RALGAPB: variants seen among roughly 807,000 people sequenced by gnomAD.
RALGAPB encodes the protein ral GTPase-activating protein subunit beta.
In RALGAPB, 25 loss-of-function variants were observed where a neutral mutation model predicts 161.1. That is an observed-to-expected ratio of 0.16 (90% CI 0.11 to 0.22). The LOEUF (loss-of-function observed/expected upper bound fraction) is 0.22. Ranked by LOEUF, RALGAPB falls within the 10% of genes least tolerant of loss-of-function variation. RALGAPB has a pLI of 1.00. For missense variants in RALGAPB, 1,391 were observed against 1,815.2 expected (o/e 0.77, Z 4.25); for synonymous variants, 629 against 626.1 (o/e 1.00, Z -0.07).
chr20:38,536,477 G>A (rs964200600), intron 16 of RALGAPB, among the ~76,000 whole-genome samples: 15 of 152,156 alleles, frequency 9.9e-5, no homozygotes, highest in East Asian at 3.9e-4. Context: ...TCAGTTCTTC[G>A]GGTGTACACT....
In RALGAPB at chr20:38,558,393, T is replaced by G; in HGVS notation, c.3471T>G (p.Cys1157Trp). The G allele has an allele frequency of 6.2e-7, 1 of 1,608,074 alleles. No individual in the cohort carries two copies. The highest frequency in any genetic ancestry group is 8.5e-7 in the Non-Finnish European group (1 of 1,176,306). ...DDIGYLDLLP[C>W]RPFDTVFIFY... ...TTGGGTATCTGGATCTCTTGCCATG[T>G]CGTCCTTTTGACACAGTTTTTATTT... is the stretch of plus-strand genomic sequence containing the variant. Residue 1157 changes from cysteine to tryptophan, a missense_variant, in exon 23 of 30, where the codon TGT (cysteine) becomes TGG (tryptophan). Physicochemically the swap from Cys to Trp is radical, Grantham distance 215. This residue lies in a region of RALGAPB where 436 missense variants were observed against 527.0 expected (regional missense o/e 0.83). Coordinates refer to ENST00000262879, the MANE Select transcript of RALGAPB (RefSeq NM_020336.4).
At chr20:38,477,437 G>A (rs941883378) in intron 1 of RALGAPB, among the ~76,000 whole-genome samples, 1 of 152,254 alleles carries the variant, frequency 6.6e-6, no homozygotes. Context: ...GAGAGATGCA[G>A]GCAGAACCTG....
intron 21 of RALGAPB, among the ~76,000 whole-genome samples, chr20:38,552,226 C>T (rs1490352748): frequency 5.3e-5 from 8 of 151,632 alleles, no homozygotes; most frequent in African/African-American, 7.3e-5. Context: ...CTGCAATCTC[C>T]GCCTCCCGGG....
rs1300556416 is a variant in RALGAPB, at chr20:38,493,082, T to C, written c.339T>C (p.Asn113=). Residue 113 remains asparagine (N), a synonymous_variant, in exon 3 of 30, where the codon AAT becomes AAC. Transcript: ENST00000262879. ...SIPLPVIKEP[N]QYVQTILKHL... ...CATTGCCAGTTATTAAAGAGCCTAA[T>C]CAATATGTTCAAACTATACTAAAAC... 6.2e-7 allele frequency: 1 copy of C among 1,611,868 alleles called. No individual in the cohort carries two copies.
In RALGAPB at chr20:38,474,955, C is replaced by G. The variant is rs143178139; in HGVS notation, c.-31+1886C>G. Among the ~76,000 whole-genome samples, 911 of 152,214 alleles carry G rather than the reference C, an allele frequency of 6.0e-3. 11 individuals carry two copies. The highest frequency in any genetic ancestry group is 0.021 in the African/African-American group (877 of 41,524). ...AGTTCCCAGCTTATAGAGTTTTGTT[C>G]TTTTTGCTTAGGAGTGAGTATTCTA... On this transcript the variant is annotated intron_variant, in intron 1 of 29. Coordinates refer to ENST00000262879, the MANE Select transcript of RALGAPB (RefSeq NM_020336.4).
Position 38,575,291 on chromosome 20 carries a change from C to T in RALGAPB, c.*324C>T. On this transcript the variant is annotated 3_prime_UTR_variant, in exon 30 of 30. Transcript: ENST00000262879. ...TTTATGCATCTCAGTTAAACACGTG[C>T]ATTGGTAGTATCAACAAATTTGCAA... is the stretch of plus-strand genomic sequence containing the variant. 4.7e-6 allele frequency: 1 copy of T among 213,230 alleles called. No individual in the cohort carries two copies. The highest frequency in any genetic ancestry group is 2.3e-5 in the African/African-American group (1 of 43,140). 13.2% of individuals were successfully genotyped at this position (213,230 alleles called of 1,614,324 possible). A position where few individuals can be genotyped will look rare whatever the true frequency, so the allele number is the denominator to read the frequency against.
chr20:38,474,626 C>G (rs2084752491), intron 1 of RALGAPB, among the ~76,000 whole-genome samples: 1 of 152,132 alleles, frequency 6.6e-6, no homozygotes, highest in Non-Finnish European at 1.5e-5. Context: ...TTTAAGCATT[C>G]CCTTCAAGAT....
chr20:38,565,427 G>C lies in RALGAPB; in HGVS notation c.3766G>C (p.Asp1256His). The C allele has an allele frequency of 1.2e-6, 2 of 1,613,452 alleles. No individual in the cohort carries two copies. The highest frequency in any genetic ancestry group is 1.7e-6 in the Non-Finnish European group (2 of 1,179,550). Residue 1256 changes from aspartate to histidine, a missense_variant, in exon 25 of 30, where the codon GAT becomes CAT. By Grantham distance (81) the Asp-to-His change is moderately conservative. Coordinates refer to ENST00000262879, the MANE Select transcript of RALGAPB (RefSeq NM_020336.4). ...NGQKKVLYYA[D>H]ALTEIAFVVP... ...ACAGAAGAAGGTGCTGTATTATGCTGATGCCCTTACAGAAATTGCTTTTGT... is the reference window on the plus strand; with the variant it reads ...ACAGAAGAAGGTGCTGTATTATGCTCATGCCCTTACAGAAATTGCTTTTGT...
At chr20:38,510,401 A>T (rs1047253435) in intron 6 of RALGAPB, among the ~76,000 whole-genome samples, 1 of 152,078 alleles carries the variant, frequency 6.6e-6, no homozygotes, top group African/African-American at 2.4e-5. Context: ...ATATTTACTG[A>T]TATTTAGTAG....
chr20:38,543,757 C>T (rs187619931), intron 18 of RALGAPB, among the ~76,000 whole-genome samples: 11 of 152,280 alleles, frequency 7.2e-5, no homozygotes, highest in Admixed American at 3.3e-4. Flanking sequence ...CTACATCCTC[C>T]GCTGTTCAGT....
At chr20:38,523,982 T>C (rs180686651) in intron 10 of RALGAPB, among the ~76,000 whole-genome samples, 2 of 152,314 alleles carry the variant, frequency 1.3e-5, no homozygotes, top group East Asian at 3.9e-4. Context: ...AGTTGAGTTC[T>C]AGGGAGAGAG....
intron 12 of RALGAPB, 99 bp from the exon 13 acceptor site, chr20:38,525,796 C>A: frequency 7.9e-7 from 1 of 1,262,740 alleles, no homozygotes; most frequent in Non-Finnish European, 1.1e-6. Flanking sequence ...GACTGAAAGC[C>A]TTTCTCATTA....
At chr20:38,557,156 G>A (rs1032603301) in intron 22 of RALGAPB, among the ~76,000 whole-genome samples, 2 of 152,092 alleles carry the variant, frequency 1.3e-5, no homozygotes, top group Non-Finnish European at 2.9e-5. Context: ...AGAAGATAGG[G>A]GATTAAGAGG....
chr20:38,489,519 G>T (rs908761520), intron 2 of RALGAPB, among the ~76,000 whole-genome samples: 1 of 152,150 alleles, frequency 6.6e-6, no homozygotes, highest in Non-Finnish European at 1.5e-5. Context: ...TCATGAAGGG[G>T]CCCTGAGAAT....
chr20:38,518,008 T>G lies in RALGAPB; in HGVS notation c.1417+8T>G. The G allele has an allele frequency of 6.3e-7, 1 of 1,587,750 alleles. No individual in the cohort carries two copies. Among genetic ancestry groups the G allele is most frequent in the African/African-American group, 1.3e-5 (1 of 74,428 alleles). On this transcript the variant is annotated splice_region_variant and intron_variant, in intron 9 of 29. Coordinates refer to ENST00000262879, the MANE Select transcript of RALGAPB (RefSeq NM_020336.4). ...GAGACAGCAGCATGACTGGTAAATA[T>G]TACTCAAGAAATATGTTATCATTAT...
intron 6 of RALGAPB, among the ~76,000 whole-genome samples, chr20:38,509,940 C>T (rs887015560): frequency 6.6e-6 from 1 of 151,696 alleles, no homozygotes; most frequent in Non-Finnish European, 1.5e-5. Context: ...TTTGTAGTTA[C>T]AGTTTGTGTT....
At chr20:38,494,648 CAAAA>C (rs374807922) in intron 3 of RALGAPB, among the ~76,000 whole-genome samples, 1 of 151,566 alleles carries the variant, frequency 6.6e-6, no homozygotes, top group Non-Finnish European at 1.5e-5. Context: ...CAAAACAAAA[CAAAA>C]AAAACAGGAA....
chr20:38,559,368 G>A (rs1312210798), intron 23 of RALGAPB, among the ~76,000 whole-genome samples: 1 of 152,212 alleles, frequency 6.6e-6, no homozygotes, highest in Non-Finnish European at 1.5e-5. Context: ...ATAGTGTGCA[G>A]TGGGAGAAAT....
In RALGAPB at chr20:38,576,508, A is replaced by G. The variant is rs987072396; in HGVS notation, c.*1541A>G. The G allele has an allele frequency of 9.2e-5, 14 of 152,236 alleles. No homozygotes were observed. Among genetic ancestry groups the G allele is most frequent in the African/African-American group, 3.4e-4 (14 of 41,464 alleles). 9.4% of individuals were successfully genotyped at this position (152,236 alleles called of 1,614,324 possible). A position where few individuals can be genotyped will look rare whatever the true frequency, so the allele number is the denominator to read the frequency against. ...AGCAGCTCTTGGTTTAAAGTTTGCC[A>G]TAACCTGTTCATGTTTGTTTTAAGC... On this transcript the variant is annotated 3_prime_UTR_variant, in exon 30 of 30. Transcript: ENST00000262879.
Sources: gnomAD v4.1 joint callset for allele counts (sites outside exome capture counted in the v4.1 genomes callset) on GRCh38, gnomAD v4.1.1 for gene constraint, gnomAD v4.1.1 regional missense constraint, MANE v1.5 for transcripts, NCBI Gene and HGNC (gene_info 2026-07-23, HGNC 2026-07-21) for gene names.